The following SLIT1 variants were observed in gnomAD, a reference collection of about 807,000 sequenced individuals.
SLIT1 encodes the protein slit homolog 1 protein.
A neutral mutation model predicts 186.1 loss-of-function variants in SLIT1; 66 were observed. The ratio of observed to expected loss-of-function variants is 0.35; its 90% CI spans 0.29 to 0.44. The LOEUF (loss-of-function observed/expected upper bound fraction) is 0.44. Ranked by LOEUF, SLIT1 falls within the 20% of genes least tolerant of loss-of-function variation. SLIT1 has a pLI of 1.00. For synonymous variants in SLIT1, 761 were observed against 833.8 expected, an observed-to-expected ratio of 0.91 and a Z score of 1.50; for missense variants, 1,638 against 2,037.4, an observed-to-expected ratio of 0.80 and a Z score of 3.77.
intron 1 of SLIT1, among the ~76,000 whole-genome samples, chr10:97,170,381 C>T (rs945765132): frequency 2.6e-5 from 4 of 152,240 alleles, no homozygotes; most frequent in African/African-American, 9.6e-5. Context: ...ACAATTCGTG[C>T]TCTCTACAGC....
intron 4 of SLIT1, among the ~76,000 whole-genome samples, chr10:97,105,255 T>C (rs145960341): frequency 6.6e-4 from 100 of 152,248 alleles, no homozygotes; most frequent in African/African-American, 2.2e-3. Flanking sequence ...TCTCTGAACA[T>C]AGATGCAGGT....
chr10:97,178,861 A>G (rs1461140766), intron 1 of SLIT1, among the ~76,000 whole-genome samples: 1 of 152,110 alleles, frequency 6.6e-6, no homozygotes, highest in Non-Finnish European at 1.5e-5. Flanking sequence ...CAAGTCCATA[A>G]GTTTATTAAA....
chr10:97,017,090 C>T (rs751409272), intron 28 of SLIT1, among the ~76,000 whole-genome samples: 24 of 152,218 alleles, frequency 1.6e-4, no homozygotes, highest in Non-Finnish European at 1.0e-4. Context: ...ACTCCCGCAG[C>T]CCGCATTCTG....
chr10:97,096,203 A>T (rs935033571), intron 4 of SLIT1, among the ~76,000 whole-genome samples: 10 of 152,168 alleles, frequency 6.6e-5, no homozygotes, highest in African/African-American at 2.2e-4. Flanking sequence ...GACCCAGACC[A>T]CTGCCTTCTG....
At chr10:97,138,322 C>T (rs1020555928) in intron 4 of SLIT1, among the ~76,000 whole-genome samples, 18 of 152,356 alleles carry the variant, frequency 1.2e-4, no homozygotes, top group African/African-American at 4.3e-4. Context: ...TCCGGGTCAC[C>T]TGTGCCTTCC....
chr10:97,089,824 A>C (rs1460825932), intron 4 of SLIT1, among the ~76,000 whole-genome samples: 1 of 152,198 alleles, frequency 6.6e-6, no homozygotes, highest in Non-Finnish European at 1.5e-5. Flanking sequence ...CATGTCAGTT[A>C]AGGGCAGAAA....
chr10:97,079,753 G>GT (rs1449067182), intron 4 of SLIT1, among the ~76,000 whole-genome samples: 5 of 152,222 alleles, frequency 3.3e-5, no homozygotes, highest in African/African-American at 1.2e-4. Context: ...GCAGATGTGA[G>GT]TATCTGACTG....
chr10:97,026,464 CTAAA>C (rs10624448), intron 25 of SLIT1, among the ~76,000 whole-genome samples: 5,480 of 149,524 alleles, frequency 0.037, 122 homozygotes, highest in African/African-American at 0.066. Flanking sequence ...AACTCCGTCT[CTAAA>C]TAAATAAATA....
At chr10:97,125,841 CAAAAACAAAA>C (rs923727158) in intron 4 of SLIT1, among the ~76,000 whole-genome samples, 9 of 149,576 alleles carry the variant, frequency 6.0e-5, no homozygotes, top group African/African-American at 2.0e-4. Context: ...TGTCTCAAAA[CAAAAACAAAA>C]AAAAACAAAA....
In SLIT1 at chr10:97,163,449, T is replaced by C; in HGVS notation, c.272A>G (p.Gln91Arg). The change falls in exon 3 of 37, where the codon CAG becomes CGG. Residue 91 changes from glutamine to arginine, a missense_variant and splice_region_variant. Transcript: ENST00000266058. ...TGCTCCAATCTGGTTCTCCATCAGC[T>C]GCCTGGGGAAGCAAAGAGACAAGGA... ...FAGLKQLRVL[Q>R]LMENQIGAVE... 6.2e-7 allele frequency: 1 copy of C among 1,614,046 alleles called. No individual in the cohort carries two copies. Among genetic ancestry groups the C allele is most frequent in the Non-Finnish European group, 8.5e-7 (1 of 1,179,878 alleles).
At chr10:97,075,758 C>T (rs915336416) in intron 4 of SLIT1, among the ~76,000 whole-genome samples, 2 of 152,196 alleles carry the variant, frequency 1.3e-5, no homozygotes, top group African/African-American at 4.8e-5. Context: ...TGGGTCCCAC[C>T]TCCTGAGTCA....
chr10:97,071,366 C>T (rs1329086764), intron 4 of SLIT1, among the ~76,000 whole-genome samples: 1 of 152,204 alleles, frequency 6.6e-6, no homozygotes, highest in African/African-American at 2.4e-5. Context: ...ACCCTCATCT[C>T]AGCCCAGCCG....
At chr10:97,013,620 G>A in intron 30 of SLIT1, 121 bp downstream of exon 30, 1 of 735,686 alleles carries the variant, frequency 1.4e-6, no homozygotes, top group Admixed American at 2.2e-5. Flanking sequence ...ACCCTGTAGA[G>A]CTGAGACCAA....
At chr10:97,081,291 C>T (rs1179486371) in intron 4 of SLIT1, among the ~76,000 whole-genome samples, 1 of 152,170 alleles carries the variant, frequency 6.6e-6, no homozygotes, top group Admixed American at 6.5e-5. Context: ...GGCTGTGAAT[C>T]CAAGCTTCTC....
intron 28 of SLIT1, among the ~76,000 whole-genome samples, chr10:97,018,292 C>T (rs1464847730): frequency 1.3e-5 from 2 of 152,232 alleles, no homozygotes; most frequent in Admixed American, 1.3e-4. Context: ...GAGCAGGAGG[C>T]AGCAGAGCCC....
chr10:97,027,117 C>T (rs560585771), intron 25 of SLIT1, among the ~76,000 whole-genome samples: 3 of 152,190 alleles, frequency 2.0e-5, no homozygotes, highest in African/African-American at 7.2e-5. Context: ...CTTCAGGAAC[C>T]AGGAACACTG....
Position 97,056,428 on chromosome 10 carries a change from G to A in SLIT1, c.1194C>T (p.Pro398=), listed in dbSNP as rs150421285. The A allele has an allele frequency of 2.0e-4, 328 of 1,614,184 alleles. No individual in the cohort carries two copies. The highest frequency in any genetic ancestry group is 2.6e-4 in the Non-Finnish European group (305 of 1,180,020). Residue 398 remains proline (P), a synonymous_variant, in exon 13 of 37, where the codon CCC becomes CCT. Transcript: ENST00000266058. The part of the protein sequence containing the change: ...LNANKINCIR[P]DAFQDLQNLS... ...GGTTCTGCAGGTCCTGGAAGGCATCGGGCCGGATGCAGTTGATCTTGTTGG... is the reference window on the plus strand; with the variant it reads ...GGTTCTGCAGGTCCTGGAAGGCATCAGGCCGGATGCAGTTGATCTTGTTGG...
chr10:97,087,046 A>G (rs1178600038), intron 4 of SLIT1, among the ~76,000 whole-genome samples: 5 of 151,948 alleles, frequency 3.3e-5, no homozygotes, highest in Admixed American at 3.3e-4. Flanking sequence ...GCTTCTGCCC[A>G]ATTTTACTGT....
In SLIT1 at chr10:97,010,927, G is replaced by C. The variant is rs1431686850; in HGVS notation, c.3341+66C>G. 1 of 1,515,036 alleles carries C rather than the reference G, an allele frequency of 6.6e-7. No homozygotes were observed. The allele number at this position is 1,515,036 out of a possible 1,614,324, so 93.8% of individuals were successfully genotyped here. On this transcript the variant is annotated intron_variant, in intron 31 of 36. Coordinates refer to ENST00000266058, the MANE Select transcript of SLIT1 (RefSeq NM_003061.3). The surrounding 1 kb of genome is among the most constrained non-coding windows in gnomAD (Gnocchi z 4.8). The stretch of plus-strand genomic sequence containing the variant: ...CCCCTTTCCTTCGCCATGGCTGGAG[G>C]CTCCTGCCAGCCCAGGGGCTGACAG...
Sources: allele counts gnomAD v4.1 joint callset (sites outside exome capture counted in the v4.1 genomes callset), GRCh38; gene constraint gnomAD v4.1.1; non-coding constraint Gnocchi (gnomAD v3.1); transcripts MANE v1.5; gene names NCBI Gene and HGNC (gene_info 2026-07-23, HGNC 2026-07-21).